Variants in UBAP1 observed in about 807,000 individuals in gnomAD.
The protein encoded by UBAP1 is ubiquitin-associated protein 1.
In UBAP1, 5 loss-of-function variants were observed where a neutral mutation model predicts 39.0. That is an observed-to-expected ratio of 0.13 (90% CI 0.07 to 0.27). UBAP1 has a LOEUF of 0.27. Ranked by LOEUF, UBAP1 falls within the 10% of genes least tolerant of loss-of-function variation. The pLI, the probability that UBAP1 is intolerant of heterozygous loss-of-function variation, is 1.00. For missense variants in UBAP1, 490 were observed against 608.1 expected (o/e 0.81, Z 2.04); for synonymous variants, 211 against 225.1 (o/e 0.94, Z 0.56).
rs769867086 is a variant in UBAP1, at chr9:34,250,754, G to A, written c.1363G>A (p.Glu455Lys). 1 of 1,612,576 alleles carries A rather than the reference G, an allele frequency of 6.2e-7. No individual in the cohort carries two copies. Among genetic ancestry groups the A allele is most frequent in the South Asian group, 1.1e-5 (1 of 91,022 alleles). Residue 455 changes from glutamate to lysine, a missense_variant, in exon 6 of 7, where the codon GAA (glutamate) becomes AAA (lysine). Glu to Lys is a moderately conservative substitution (Grantham distance 56). Around this residue, in one of 3 missense-constraint regions of UBAP1, gnomAD observed 339 missense variants for 390.0 expected, o/e 0.87. Transcript: ENST00000297661. ...TCTGGAAATGCACCAGTGTTCAGAA[G>A]AAAAGGTGGGAATCTTCATGTTTCT... ...EALEMHQCSE[E>K]KMMEFLQLMS...
intron 6 of UBAP1, 121 bp from the exon 7 acceptor site, chr9:34,251,271 C>G (rs1229708804): frequency 2.7e-6 from 3 of 1,113,732 alleles, no homozygotes; most frequent in Non-Finnish European, 3.9e-6. Context: ...TCACGGGGCT[C>G]TGGGGGAAGG....
At chr9:34,247,453 C>G (rs945102057) in intron 4 of UBAP1, among the ~76,000 whole-genome samples, 1 of 151,908 alleles carries the variant, frequency 6.6e-6, no homozygotes, top group African/African-American at 2.4e-5. Context: ...GAGACGGTGT[C>G]TCGCTGTGTC....
intron 1 of UBAP1, 54 bp from the exon 2 acceptor site, chr9:34,220,854 T>G (rs1163960798): frequency 4.0e-5 from 61 of 1,535,688 alleles, no homozygotes; most frequent in Non-Finnish European, 5.3e-5. Flanking sequence ...CTCAATTTTC[T>G]TCGTACTACC....
intron 1 of UBAP1, among the ~76,000 whole-genome samples, chr9:34,217,437 T>C (rs1297799210): frequency 1.3e-5 from 2 of 152,242 alleles, no homozygotes; most frequent in South Asian, 4.1e-4. Flanking sequence ...GGTTTCACCA[T>C]GTTGGCCAGG....
At chr9:34,226,135 G>GTGTGTGTGTTTGTGT (rs1833079298) in intron 2 of UBAP1, among the ~76,000 whole-genome samples, 1 of 147,982 alleles carries the variant, frequency 6.8e-6, no homozygotes, top group African/African-American at 2.5e-5. Context: ...GTGTGTGTGT[G>GTGTGTGTGTTTGTGT]TGTGTGTGTG....
chr9:34,224,566 G>T, intron 2 of UBAP1: 1 of 447,544 alleles, frequency 2.2e-6, no homozygotes, highest in African/African-American at 2.1e-5. Flanking sequence ...GCTTCTTGTG[G>T]TAGGGCTTTC....
At chr9:34,210,157 T>A (rs1043682029) in intron 1 of UBAP1, among the ~76,000 whole-genome samples, 2 of 152,208 alleles carry the variant, frequency 1.3e-5, no homozygotes, top group African/African-American at 4.8e-5. Flanking sequence ...ATTGAAATGT[T>A]CCTCAGTATG....
chr9:34,251,887 T>C lies in UBAP1; in HGVS notation c.*355T>C, dbSNP rs986267751. 1.2e-5 allele frequency: 2 copies of C among 161,662 alleles called. No individual in the cohort carries two copies. Among genetic ancestry groups the C allele is most frequent in the African/African-American group, 4.9e-5 (2 of 40,668 alleles). 10.0% of individuals were successfully genotyped at this position (161,662 alleles called of 1,614,324 possible). ...TAGTTGCTGAGAGGGGCTGGGGAGA[T>C]GGGGCGGGAGGGCCAGACTCAGTGC... On this transcript the variant is annotated 3_prime_UTR_variant, in exon 7 of 7. Coordinates refer to ENST00000297661, the MANE Select transcript of UBAP1 (RefSeq NM_016525.5).
chr9:34,182,665 T>TTC (rs879757471), intron 1 of UBAP1, among the ~76,000 whole-genome samples: 889 of 60,846 alleles, frequency 0.015, 32 homozygotes, highest in Middle Eastern at 0.036. Flanking sequence ...CTTTCTTTCT[T>TTC]TCTTTCTTTC....
intron 3 of UBAP1, among the ~76,000 whole-genome samples, 191 bp downstream of exon 3, chr9:34,234,531 A>G (rs1348168548): frequency 6.6e-6 from 1 of 152,182 alleles, no homozygotes; most frequent in Non-Finnish European, 1.5e-5. Flanking sequence ...CTGTAATCCT[A>G]ACACTGTGGG....
In UBAP1 at chr9:34,181,623, G is replaced by A. The variant is rs564058510; in HGVS notation, c.-8+2383G>A. ...AATTTTTTGTATTTTTAGTAGAGAC[G>A]GGGTTTCACTGGGTTAGCCAGGATG... On this transcript the variant is annotated intron_variant, in intron 1 of 6. Coordinates refer to ENST00000297661, the MANE Select transcript of UBAP1 (RefSeq NM_016525.5). Among the ~76,000 whole-genome samples the A allele has an allele frequency of 9.3e-4, 138 of 148,402 alleles. 8 individuals are homozygous for A. The highest frequency in any genetic ancestry group is 3.2e-3 in the African/African-American group (127 of 39,746).
At chr9:34,224,963 C>T (rs746663526) in intron 2 of UBAP1, among the ~76,000 whole-genome samples, 29 of 152,088 alleles carry the variant, frequency 1.9e-4, no homozygotes, top group Non-Finnish European at 3.7e-4. Flanking sequence ...AAATGGCCAC[C>T]CCAGTTAAGG....
At chr9:34,179,895 A>G (rs1829917193) in intron 1 of UBAP1, among the ~76,000 whole-genome samples, 1 of 152,170 alleles carries the variant, frequency 6.6e-6, no homozygotes, top group Admixed American at 6.5e-5. Flanking sequence ...CTTTGTTGCC[A>G]AATGTAATTG....
chr9:34,227,298 TTTTA>T (rs539717231), intron 2 of UBAP1, among the ~76,000 whole-genome samples: 1 of 152,074 alleles, frequency 6.6e-6, no homozygotes, highest in Non-Finnish European at 1.5e-5. Flanking sequence ...GTTTTTTTTG[TTTTA>T]TTTATTTATT....
intron 1 of UBAP1, among the ~76,000 whole-genome samples, chr9:34,189,777 C>T (rs1219194602): frequency 1.3e-5 from 2 of 151,930 alleles, no homozygotes; most frequent in African/African-American, 2.4e-5. Flanking sequence ...GCTGGGATTA[C>T]GGGCGTGCTC....
chr9:34,243,093 G>A (rs959737041), intron 4 of UBAP1, among the ~76,000 whole-genome samples: 1 of 152,108 alleles, frequency 6.6e-6, no homozygotes, highest in Non-Finnish European at 1.5e-5. Context: ...ATAGAGTGCC[G>A]AACACCATTA....
chr9:34,231,477 G>A (rs893617077), intron 2 of UBAP1, among the ~76,000 whole-genome samples: 12 of 151,924 alleles, frequency 7.9e-5, no homozygotes, highest in African/African-American at 2.4e-4. Flanking sequence ...CCAAAGTTCT[G>A]GGATTACAGG....
intron 1 of UBAP1, among the ~76,000 whole-genome samples, chr9:34,199,564 G>C (rs973081706): frequency 6.6e-6 from 1 of 151,664 alleles, no homozygotes; most frequent in Non-Finnish European, 1.5e-5. Context: ...AACCTACCTT[G>C]GTACGTTAGT....
chr9:34,186,088 A>G (rs1334867431), intron 1 of UBAP1, among the ~76,000 whole-genome samples: 4 of 152,302 alleles, frequency 2.6e-5, no homozygotes, highest in South Asian at 2.1e-4. Flanking sequence ...TCCAATTCCT[A>G]TAAGGTATAA....
Sources: gnomAD v4.1 joint callset for allele counts (sites outside exome capture counted in the v4.1 genomes callset) on GRCh38, gnomAD v4.1.1 for gene constraint, gnomAD v4.1.1 regional missense constraint, MANE v1.5 for transcripts, NCBI Gene and HGNC (gene_info 2026-07-23, HGNC 2026-07-21) for gene names.